ACBD6: variants seen among roughly 807,000 people sequenced by gnomAD.
The protein encoded by ACBD6 is acyl-CoA binding domain containing 6.
In ACBD6, 28 loss-of-function variants were observed where a neutral mutation model predicts 37.2. That is an observed-to-expected ratio of 0.75 (90% CI 0.56 to 1.03). The LOEUF is 1.03. Ranked by LOEUF, ACBD6 falls within the 50% of genes least tolerant of loss-of-function variation. The pLI is 0.00. For synonymous variants in ACBD6, 113 were observed against 126.8 expected, an observed-to-expected ratio of 0.89 and a Z score of 0.73; for missense variants, 340 against 337.4, an observed-to-expected ratio of 1.01 and a Z score of -0.06.
chr1:180,375,268 A>G (rs918109151), intron 6 of ACBD6, among the ~76,000 whole-genome samples: 1 of 152,212 alleles, frequency 6.6e-6, no homozygotes, highest in Admixed American at 6.5e-5. Context: ...GAAGTCCAAA[A>G]TTAAACCCCA....
At chr1:180,379,551 T>C (rs1055055523) in intron 6 of ACBD6, among the ~76,000 whole-genome samples, 2 of 151,996 alleles carry the variant, frequency 1.3e-5, no homozygotes, top group Non-Finnish European at 2.9e-5. Flanking sequence ...CAGAGGTAGA[T>C]ATAATAAAAA....
intron 3 of ACBD6, chr1:180,435,879 T>G: frequency 7.2e-7 from 1 of 1,388,080 alleles, no homozygotes; most frequent in Non-Finnish European, 1.0e-6. Context: ...TCAGCTCTTC[T>G]GGATGGCAAG....
intron 3 of ACBD6, among the ~76,000 whole-genome samples, chr1:180,489,815 G>C (rs1396677834): frequency 1.3e-5 from 2 of 151,828 alleles, no homozygotes; most frequent in Non-Finnish European, 2.9e-5. Flanking sequence ...TGCCACCATT[G>C]CTGGCTAATT....
chr1:180,389,139 T>C (rs1417720749), intron 6 of ACBD6, among the ~76,000 whole-genome samples: 1 of 152,222 alleles, frequency 6.6e-6, no homozygotes, highest in Non-Finnish European at 1.5e-5. Context: ...TATCTCCTAA[T>C]GTTATCCCTT....
chr1:180,386,840 T>C (rs373072437), intron 6 of ACBD6, among the ~76,000 whole-genome samples: 6 of 152,126 alleles, frequency 3.9e-5, no homozygotes, highest in South Asian at 2.1e-4. Flanking sequence ...TAACTACTCA[T>C]TGAAACATTT....
Position 180,325,879 on chromosome 1 carries a change from G to T in ACBD6, c.664-11157C>A, listed in dbSNP as rs560303844. Among the ~76,000 whole-genome samples the T allele has an allele frequency of 2.5e-4, 38 of 152,298 alleles. No individual in the cohort carries two copies. In the South Asian group the frequency reaches 6.6e-3, roughly 27 times the overall value. On this transcript the variant is annotated intron_variant, in intron 6 of 7. Coordinates refer to ENST00000367595, the MANE Select transcript of ACBD6 (RefSeq NM_032360.4). ...TTCCCTTATTTTCTCCCAAACAAAT[G>T]GAGTCTCTCCTGTGCTGAGCCACTT... is the stretch of plus-strand genomic sequence containing the variant.
At chr1:180,465,159 G>C (rs984152481) in intron 3 of ACBD6, among the ~76,000 whole-genome samples, 1 of 152,132 alleles carries the variant, frequency 6.6e-6, no homozygotes, top group Non-Finnish European at 1.5e-5. Flanking sequence ...TGCAACGAAA[G>C]CAAAACTTGA....
At position 180,395,010 on chromosome 1, in the gene ACBD6, A is replaced by G. The variant is rs577009736; in HGVS notation, c.663+2506T>C. On this transcript the variant is annotated intron_variant, in intron 6 of 7. Transcript: ENST00000367595. ...GGAAAAGCTATATTAAAAATATAAT[A>G]TACCATTCATCATTCATCAAACAGG... Among the ~76,000 whole-genome samples the G allele has an allele frequency of 8.5e-5, 13 of 152,334 alleles. No homozygotes were observed. The South Asian group carries it at 1.5e-3, about 17-fold the overall frequency.
At chr1:180,287,360 T>C (rs925875656), downstream of ACBD6, 1 of 143,786 alleles carries the variant, frequency 7.0e-6, no homozygotes, top group Non-Finnish European at 1.5e-5. Flanking sequence ...TAGTGAACCA[T>C]GATCATACCA....
chr1:180,415,087 A>AAAAAAC (rs1045110685), intron 4 of ACBD6, among the ~76,000 whole-genome samples: 1 of 151,634 alleles, frequency 6.6e-6, no homozygotes, highest in Non-Finnish European at 1.5e-5. Context: ...AAAAAAATAA[A>AAAAAAC]AAAAACAAAA....
At chr1:180,486,816 CAAAG>C (rs1250884479) in intron 3 of ACBD6, among the ~76,000 whole-genome samples, 1 of 152,172 alleles carries the variant, frequency 6.6e-6, no homozygotes, top group Non-Finnish European at 1.5e-5. Flanking sequence ...CCCAAGTGAT[CAAAG>C]TTAACATCCC....
chr1:180,359,571 A>T (rs936399593), intron 6 of ACBD6, among the ~76,000 whole-genome samples: 1 of 152,228 alleles, frequency 6.6e-6, no homozygotes, highest in Non-Finnish European at 1.5e-5. Context: ...GTGTTAAACA[A>T]AAGAAAATTA....
chr1:180,350,572 C>T lies in ACBD6; in HGVS notation c.664-35850G>A, dbSNP rs577280087. 7.2e-5 allele frequency among the ~76,000 whole-genome samples: 11 copies of T among 152,246 alleles called. No individual in the cohort carries two copies. In the South Asian group the frequency reaches 2.3e-3, roughly 32 times the overall value. On this transcript the variant is annotated intron_variant, in intron 6 of 7. Transcript: ENST00000367595. ...ATCACTCTAAAAAATTCCTTATAGT[C>T]CTCATTTAAAACACACCCACACTCA... is the stretch of plus-strand genomic sequence containing the variant.
intron 6 of ACBD6, among the ~76,000 whole-genome samples, chr1:180,315,907 C>A (rs1297309872): frequency 1.3e-5 from 2 of 151,964 alleles, no homozygotes; most frequent in African/African-American, 4.8e-5. Context: ...GTACACTTGG[C>A]TAAGATGCAA....
intron 3 of ACBD6, among the ~76,000 whole-genome samples, chr1:180,437,598 T>C (rs1259469731): frequency 3.9e-5 from 6 of 152,170 alleles, no homozygotes; most frequent in African/African-American, 7.2e-5. Context: ...AACAAGATTT[T>C]ATATGTAAAA....
intron 6 of ACBD6, among the ~76,000 whole-genome samples, chr1:180,337,495 G>C (rs887552268): frequency 1.3e-5 from 2 of 152,098 alleles, no homozygotes; most frequent in African/African-American, 4.8e-5. Flanking sequence ...GTATTGATGG[G>C]ATGTATCTCA....
At chr1:180,498,727 A>G (rs1289317839) in intron 1 of ACBD6, among the ~76,000 whole-genome samples, 2 of 152,082 alleles carry the variant, frequency 1.3e-5, no homozygotes, top group Admixed American at 1.3e-4. Flanking sequence ...GTGCGGTGGC[A>G]GACACCTGTA....
intron 5 of ACBD6, among the ~76,000 whole-genome samples, chr1:180,403,459 G>A (rs1647469393): frequency 1.3e-5 from 2 of 152,106 alleles, no homozygotes; most frequent in Admixed American, 6.6e-5. Flanking sequence ...AAATAAAAAA[G>A]ATTTGATGAA....
chr1:180,271,610 C>G, exon 14 of ACBD6: 1 of 1,569,288 alleles, frequency 6.4e-7, no homozygotes, highest in Non-Finnish European at 8.8e-7. Context: ...TGAGTGACAT[C>G]AGCTCACGGG....
Sources: allele counts gnomAD v4.1 joint callset (sites outside exome capture counted in the v4.1 genomes callset), GRCh38; gene constraint gnomAD v4.1.1; transcripts MANE v1.5; gene names NCBI Gene and HGNC (gene_info 2026-07-23, HGNC 2026-07-21).